The following NTRK3 variants were observed in gnomAD, a reference collection of about 807,000 sequenced individuals.
The protein encoded by NTRK3 is neurotrophic receptor tyrosine kinase 3.
NTRK3 carries 24 observed loss-of-function variants against 91.7 expected under a neutral mutation model. The ratio of observed to expected loss-of-function variants is 0.26; its 90% CI spans 0.19 to 0.37. The LOEUF is 0.37. Among genes scored for constraint, NTRK3 ranks in the 10% least tolerant of loss-of-function variants. The pLI is 1.00. For missense variants in NTRK3, 880 were observed against 1,068.9 expected (o/e 0.82, Z 2.46); for synonymous variants, 483 against 404.0 (o/e 1.20, Z -2.34).
chr15:87,952,234 GA>G (rs1024231814), intron 14 of NTRK3, among the ~76,000 whole-genome samples: 3 of 149,304 alleles, frequency 2.0e-5, no homozygotes, highest in African/African-American at 5.0e-5. Context: ...AGAAAGAAAA[GA>G]AAAGAAAAAG....
At chr15:87,978,603 G>A (rs1417280890) in intron 14 of NTRK3, 1 of 230,796 alleles carries the variant, frequency 4.3e-6, no homozygotes, top group Non-Finnish European at 8.6e-6. Context: ...CCCAGGAAGA[G>A]CCTGGAGAAA....
chr15:88,172,943 A>T (rs749452918), intron 5 of NTRK3, among the ~76,000 whole-genome samples: 6 of 152,180 alleles, frequency 3.9e-5, no homozygotes, highest in Admixed American at 6.5e-5. Flanking sequence ...CCAGGAGACT[A>T]ATGGTATGAG....
At chr15:87,913,276 T>G (rs927847100) in intron 17 of NTRK3, among the ~76,000 whole-genome samples, 1 of 152,000 alleles carries the variant, frequency 6.6e-6, no homozygotes, top group African/African-American at 2.4e-5. Flanking sequence ...GCAAACCCCT[T>G]TCTCTGAATA....
intron 14 of NTRK3, among the ~76,000 whole-genome samples, chr15:87,972,010 C>A (rs1051151956): frequency 6.6e-6 from 1 of 152,180 alleles, no homozygotes; most frequent in African/African-American, 2.4e-5. Flanking sequence ...AGTGGTCTAT[C>A]AGAACTCTGT....
chr15:87,880,521 A>G, intron 17 of NTRK3, 93 bp from the exon 19 acceptor site: 1 of 1,327,504 alleles, frequency 7.5e-7, no homozygotes, highest in Non-Finnish European at 1.1e-6. Context: ...TGCACTCTTG[A>G]TGCATCCTAT....
At chr15:87,920,951 C>T (rs1839074232) in intron 17 of NTRK3, among the ~76,000 whole-genome samples, 1 of 152,158 alleles carries the variant, frequency 6.6e-6, no homozygotes, top group Non-Finnish European at 1.5e-5. Context: ...AAAATCCAAA[C>T]AAAGTCTGTA....
intron 13 of NTRK3, among the ~76,000 whole-genome samples, chr15:88,035,646 A>C (rs1567267097): frequency 6.6e-6 from 1 of 152,194 alleles, no homozygotes; most frequent in Non-Finnish European, 1.5e-5. Flanking sequence ...CAATTCCTAA[A>C]TATGAAGAAG....
At chr15:88,172,401 G>A (rs986321580) in intron 5 of NTRK3, among the ~76,000 whole-genome samples, 15 of 152,022 alleles carry the variant, frequency 9.9e-5, no homozygotes, top group Non-Finnish European at 1.8e-4. Flanking sequence ...GGAAGAGGGG[G>A]AAAAAAGAGA....
At chr15:88,049,690 G>T (rs1219044059) in intron 13 of NTRK3, among the ~76,000 whole-genome samples, 4 of 152,194 alleles carry the variant, frequency 2.6e-5, no homozygotes, top group Non-Finnish European at 5.9e-5. Flanking sequence ...GCAAATGTGT[G>T]AATCAGGGGA....
chr15:88,252,088 A>G (rs2053451086), intron 3 of NTRK3, among the ~76,000 whole-genome samples: 1 of 152,086 alleles, frequency 6.6e-6, no homozygotes. Context: ...TTGATCCTGG[A>G]AGTACCTTTC....
chr15:88,068,042 G>A (rs768820435), intron 13 of NTRK3, among the ~76,000 whole-genome samples: 1 of 152,198 alleles, frequency 6.6e-6, no homozygotes, highest in East Asian at 1.9e-4. Context: ...CTCAGGAATA[G>A]AGTGGATACT....
chr15:88,168,513 T>C (rs185324801), intron 5 of NTRK3, among the ~76,000 whole-genome samples: 128 of 152,344 alleles, frequency 8.4e-4, no homozygotes, highest in African/African-American at 2.9e-3. Context: ...AGAGCTTAAT[T>C]TGTTTTCTTT....
intron 14 of NTRK3, among the ~76,000 whole-genome samples, chr15:88,026,816 A>G (rs1299919690): frequency 1.3e-5 from 2 of 152,200 alleles, no homozygotes; most frequent in African/African-American, 4.8e-5. Flanking sequence ...ACTGTTCTTT[A>G]AAATAAATAA....
intron 3 of NTRK3, among the ~76,000 whole-genome samples, chr15:88,195,112 C>A (rs1488705351): frequency 1.3e-5 from 2 of 152,112 alleles, no homozygotes; most frequent in African/African-American, 4.8e-5. Context: ...TGGTGTCTAG[C>A]GGGGTGAGGC....
At position 88,235,000 on chromosome 15, in the gene NTRK3, T is replaced by G. The variant is rs1367917695; in HGVS notation, c.248+20906A>C. Among the ~76,000 whole-genome samples the G allele has an allele frequency of 6.6e-6, 1 of 152,180 alleles. No individual in the cohort carries two copies. The highest frequency in any genetic ancestry group is 1.5e-5 in the Non-Finnish European group (1 of 68,030). On this transcript the variant is annotated intron_variant, in intron 3 of 18. Coordinates refer to ENST00000394480, the Ensembl canonical transcript of NTRK3. This position sits in a 1 kb window ranked among gnomAD's most constrained non-coding sequence, Gnocchi z 6.1. ...TCTGGCTCCAGTTCTCATGAAGCTC[T>G]GACTGTCTGTCACTGACAGATCGAA...
intron 14 of NTRK3, among the ~76,000 whole-genome samples, chr15:87,996,762 C>T (rs2075735303): frequency 2.6e-5 from 4 of 152,322 alleles, no homozygotes; most frequent in Non-Finnish European, 5.9e-5. Context: ...CACAGAGGAG[C>T]TCTGAGTTCC....
At chr15:87,890,243 A>G (rs1596106815) in intron 17 of NTRK3, among the ~76,000 whole-genome samples, 1 of 152,144 alleles carries the variant, frequency 6.6e-6, no homozygotes, top group Non-Finnish European at 1.5e-5. Context: ...TCAATCTGAT[A>G]TTATAAAGTT....
chr15:87,919,973 C>T (rs1392123109), intron 17 of NTRK3, among the ~76,000 whole-genome samples: 1 of 152,298 alleles, frequency 6.6e-6, no homozygotes, highest in East Asian at 1.9e-4. Flanking sequence ...GTCTTCTTCT[C>T]ACTTATTATT....
chr15:87,894,866 T>A (rs1191418410), intron 17 of NTRK3, among the ~76,000 whole-genome samples: 1 of 152,166 alleles, frequency 6.6e-6, no homozygotes, highest in Non-Finnish European at 1.5e-5. Context: ...TATTCTGAGT[T>A]GTGGATACTG....
Sources: allele counts gnomAD v4.1 joint callset (sites outside exome capture counted in the v4.1 genomes callset), GRCh38; gene constraint gnomAD v4.1.1; non-coding constraint Gnocchi (gnomAD v3.1); transcripts MANE v1.5; gene names NCBI Gene and HGNC (gene_info 2026-07-23, HGNC 2026-07-21).